The following RIN2 variants were observed in gnomAD, a reference collection of about 807,000 sequenced individuals.
RIN2 encodes the protein Ras and Rab interactor 2.
A neutral mutation model predicts 78.0 loss-of-function variants in RIN2; 36 were observed. That is an observed-to-expected ratio of 0.46 (90% CI 0.35 to 0.61). The LOEUF (loss-of-function observed/expected upper bound fraction) is 0.61, where lower values mean the gene tolerates loss of function less well. Ranked by LOEUF, RIN2 falls within the 20% of genes least tolerant of loss-of-function variation. RIN2 has a pLI of 0.00. For missense variants in RIN2, 1,087 were observed against 1,159.7 expected, an observed-to-expected ratio of 0.94 and a Z score of 0.91; for synonymous variants, 466 against 466.8, an observed-to-expected ratio of 1.00 and a Z score of 0.02.
chr20:19,923,438 A>ATAAAATAAAATAAAAT (rs1367190577), intron 3 of RIN2, among the ~76,000 whole-genome samples: 5 of 120,834 alleles, frequency 4.1e-5, no homozygotes, highest in African/African-American at 2.0e-4. Context: ...ATAAAATAAA[A>ATAAAATAAAATAAAAT]TAAAATAAAA....
intron 3 of RIN2, among the ~76,000 whole-genome samples, chr20:19,926,414 A>G (rs2040223714): frequency 6.6e-6 from 1 of 152,042 alleles, no homozygotes; most frequent in Non-Finnish European, 1.5e-5. Flanking sequence ...GTGAAGGGGA[A>G]AAGCCTCCAT....
intron 2 of RIN2, among the ~76,000 whole-genome samples, chr20:19,853,096 T>C (rs1435560633): frequency 1.4e-5 from 2 of 144,504 alleles, no homozygotes; most frequent in African/African-American, 5.1e-5. Context: ...TGTGTTCTCA[T>C]TGTTCAATTC....
chr20:19,900,391 G>A (rs2123620041), intron 3 of RIN2, among the ~76,000 whole-genome samples: 2 of 152,206 alleles, frequency 1.3e-5, no homozygotes, highest in East Asian at 3.9e-4. Flanking sequence ...GGCGAGGCAG[G>A]AGAATTGCTT....
intron 9 of RIN2, among the ~76,000 whole-genome samples, chr20:19,977,285 C>T (rs1287227036): frequency 6.6e-6 from 1 of 152,208 alleles, no homozygotes; most frequent in African/African-American, 2.4e-5. Flanking sequence ...TCCCTCCCTG[C>T]TGATGCTGTA....
intron 9 of RIN2, among the ~76,000 whole-genome samples, chr20:19,989,519 G>T (rs2042730070): frequency 6.6e-6 from 1 of 151,930 alleles, no homozygotes; most frequent in African/African-American, 2.4e-5. Context: ...CAAATGATCT[G>T]CCTGCCTCAG....
chr20:19,828,917 A>G (rs2036173951), intron 2 of RIN2, among the ~76,000 whole-genome samples: 1 of 152,118 alleles, frequency 6.6e-6, no homozygotes, highest in African/African-American at 2.4e-5. Context: ...GCTTCCTGCT[A>G]GGCTTGGTTT....
At chr20:19,766,388 C>T (rs759542464) in intron 1 of RIN2, among the ~76,000 whole-genome samples, 3 of 152,064 alleles carry the variant, frequency 2.0e-5, no homozygotes, top group Non-Finnish European at 4.4e-5. Context: ...TTCCATGGGA[C>T]GTTGGGATCA....
intron 2 of RIN2, among the ~76,000 whole-genome samples, chr20:19,879,558 G>A (rs1050356476): frequency 2.0e-5 from 3 of 152,202 alleles, no homozygotes; most frequent in African/African-American, 7.2e-5. Flanking sequence ...CTAAGAGAAA[G>A]CATGGAAATT....
chr20:19,930,548 G>C (rs914334562), intron 3 of RIN2, among the ~76,000 whole-genome samples: 2 of 152,220 alleles, frequency 1.3e-5, no homozygotes, highest in Non-Finnish European at 2.9e-5. Flanking sequence ...TAACCAAAGT[G>C]TGGAGAGGGA....
At chr20:19,900,631 T>TA (rs569811826) in intron 3 of RIN2, among the ~76,000 whole-genome samples, 87 of 140,698 alleles carry the variant, frequency 6.2e-4, no homozygotes, top group African/African-American at 1.7e-3. Context: ...TCTACTACAT[T>TA]AAAAAAAAAG....
At chr20:19,787,520 A>G (rs1424482516) in intron 1 of RIN2, among the ~76,000 whole-genome samples, 1 of 151,120 alleles carries the variant, frequency 6.6e-6, no homozygotes, top group Admixed American at 6.6e-5. Flanking sequence ...GCAAAAGTGT[A>G]GTGATTAATG....
intron 3 of RIN2, among the ~76,000 whole-genome samples, chr20:19,914,013 G>T (rs1170738017): frequency 6.6e-6 from 1 of 152,148 alleles, no homozygotes; most frequent in Non-Finnish European, 1.5e-5. Flanking sequence ...GTTGTGATGG[G>T]GTGCGTGTGA....
At chr20:19,845,104 G>A (rs1211611568) in intron 2 of RIN2, among the ~76,000 whole-genome samples, 1 of 152,146 alleles carries the variant, frequency 6.6e-6, no homozygotes, top group African/African-American at 2.4e-5. Context: ...TGGCATATAT[G>A]TGCCACATTT....
At chr20:19,956,195 T>C (rs982338466) in intron 4 of RIN2, among the ~76,000 whole-genome samples, 1 of 145,750 alleles carries the variant, frequency 6.9e-6, no homozygotes, top group African/African-American at 2.6e-5. Flanking sequence ...GAGACGGAGG[T>C]TGCAGTGAGC....
intron 9 of RIN2, among the ~76,000 whole-genome samples, chr20:19,989,272 CTTTT>C (rs11455546): frequency 4.6e-5 from 5 of 109,346 alleles, no homozygotes; most frequent in Non-Finnish European, 1.9e-5. Context: ...AGAAAACATT[CTTTT>C]TTTTTTTTTT....
Position 19,970,886 on chromosome 20 carries a change from C to T in RIN2, c.585C>T (p.Ala195=). The change falls in exon 8 of 13, where the codon GCC becomes GCT. Residue 195 remains alanine, a synonymous_variant. Coordinates refer to ENST00000255006, the MANE Select transcript of RIN2 (RefSeq NM_018993.4). The part of the protein sequence containing the change: ...TLKLPYAIST[A]KSEAQLEELA... ...AGTTGCCTTATGCCATTTCAACAGC[C>T]AAGTCGGAGGCTCAGCTTGAAGAAC... is the stretch of plus-strand genomic sequence containing the variant. 1 of 1,613,742 alleles carries T rather than the reference C, an allele frequency of 6.2e-7. No individual in the cohort carries two copies. The highest frequency in any genetic ancestry group is 8.5e-7 in the Non-Finnish European group (1 of 1,179,804).
At chr20:19,945,440 C>T (rs1380085099) in intron 4 of RIN2, among the ~76,000 whole-genome samples, 1 of 152,186 alleles carries the variant, frequency 6.6e-6, no homozygotes, top group Non-Finnish European at 1.5e-5. Flanking sequence ...ACCTCATGCA[C>T]TGCACCTGCC....
intron 3 of RIN2, among the ~76,000 whole-genome samples, chr20:19,912,475 CTTTTTTTTT>C (rs545323465): frequency 2.7e-5 from 3 of 110,932 alleles, no homozygotes; most frequent in Admixed American, 1.0e-4. Flanking sequence ...TTTTCTTTTT[CTTTTTTTTT>C]TTTTTTTTTT....
At chr20:19,841,462 T>C (rs896258711) in intron 2 of RIN2, among the ~76,000 whole-genome samples, 1 of 152,074 alleles carries the variant, frequency 6.6e-6, no homozygotes, top group African/African-American at 2.4e-5. Context: ...AAGGCCACCA[T>C]TGAAATGACG....
Sources: gnomAD v4.1 joint callset for allele counts (sites outside exome capture counted in the v4.1 genomes callset) on GRCh38, gnomAD v4.1.1 for gene constraint, MANE v1.5 for transcripts, NCBI Gene and HGNC (gene_info 2026-07-23, HGNC 2026-07-21) for gene names.